RYR2: variants seen among roughly 807,000 people sequenced by gnomAD.
RYR2 encodes ryanodine receptor 2.
RYR2 carries 227 observed loss-of-function variants against 601.1 expected under a neutral mutation model. The ratio of observed to expected loss-of-function variants is 0.38; its 90% CI spans 0.34 to 0.42. The LOEUF is 0.42. RYR2 is among the 10% of genes least tolerant of loss of function. RYR2 has a pLI of 1.00. For synonymous variants in RYR2, 2,223 were observed against 2,175.1 expected (o/e 1.02, Z -0.61); for missense variants, 4,646 against 6,156.5 (o/e 0.75, Z 8.21).
intron 56 of RYR2, among the ~76,000 whole-genome samples, chr1:237,665,856 T>A (rs1684281903): frequency 6.6e-6 from 1 of 152,170 alleles, no homozygotes. Context: ...CAAGATATAG[T>A]TTTAGATTTA....
intron 1 of RYR2, among the ~76,000 whole-genome samples, chr1:237,158,299 G>A (rs1675620258): frequency 6.6e-6 from 1 of 152,136 alleles, no homozygotes; most frequent in South Asian, 2.1e-4. Flanking sequence ...GGTCTTATGA[G>A]CTAAAGGATT....
At chr1:237,567,472 C>G (rs1672211851) in intron 28 of RYR2, among the ~76,000 whole-genome samples, 1 of 150,706 alleles carries the variant, frequency 6.6e-6, no homozygotes, top group Admixed American at 6.6e-5. Flanking sequence ...CACTTGTGGT[C>G]CCAGCTACAT....
intron 35 of RYR2, among the ~76,000 whole-genome samples, chr1:237,609,014 C>A (rs1180343951): frequency 6.6e-6 from 1 of 151,032 alleles, no homozygotes; most frequent in Non-Finnish European, 1.5e-5. Flanking sequence ...TTCTCCCTCT[C>A]CCTCCCTCCT....
chr1:237,648,695 T>C, intron 49 of RYR2, 82 bp downstream of exon 49: 1 of 1,412,446 alleles, frequency 7.1e-7, no homozygotes, highest in Non-Finnish European at 9.5e-7. Flanking sequence ...TATCCATTCA[T>C]TAATTTATTG....
At chr1:237,789,432 A>G (rs1658071927) in intron 92 of RYR2, among the ~76,000 whole-genome samples, 1 of 146,506 alleles carries the variant, frequency 6.8e-6, no homozygotes, top group Non-Finnish European at 1.5e-5. Context: ...TTTAATACAG[A>G]GTTCACTGAA....
At chr1:237,645,906 T>C (rs1252631299) in intron 48 of RYR2, among the ~76,000 whole-genome samples, 5 of 149,636 alleles carry the variant, frequency 3.3e-5, no homozygotes, top group Non-Finnish European at 5.9e-5. Flanking sequence ...AGACGGAGTC[T>C]CACTCTGTCG....
intron 39 of RYR2, among the ~76,000 whole-genome samples, chr1:237,625,145 T>G (rs1679515472): frequency 6.6e-6 from 1 of 152,010 alleles, no homozygotes; most frequent in African/African-American, 2.4e-5. Flanking sequence ...ACAGGGATAC[T>G]TTAAAACTTT....
At chr1:237,241,051 G>A (rs1482050909) in intron 1 of RYR2, among the ~76,000 whole-genome samples, 1 of 152,166 alleles carries the variant, frequency 6.6e-6, no homozygotes, top group East Asian at 1.9e-4. Flanking sequence ...TTCAAGGATG[G>A]TAGCATTTTA....
intron 104 of RYR2, among the ~76,000 whole-genome samples, chr1:237,832,017 C>G (rs764173143): frequency 4.6e-5 from 7 of 151,988 alleles, no homozygotes; most frequent in Non-Finnish European, 1.0e-4. Flanking sequence ...TAAGAGAACC[C>G]TCAGAAGCAT....
chr1:237,312,481 C>T lies in RYR2; in HGVS notation c.169-18397C>T, dbSNP rs192821333. 6.6e-4 allele frequency among the ~76,000 whole-genome samples: 101 copies of T among 152,226 alleles called. 1 individual carries two copies. The highest frequency in any genetic ancestry group is 8.2e-4 in the Non-Finnish European group (56 of 68,008). On this transcript the variant is annotated intron_variant, in intron 2 of 104. Transcript: ENST00000366574. Reference sequence around the variant, plus strand: ...AGTAATAATCTGGAGCTTTTTATAGCGTACTCCCTTGGAGATATTTCCAGG... The same window carrying T: ...AGTAATAATCTGGAGCTTTTTATAGTGTACTCCCTTGGAGATATTTCCAGG...
At chr1:237,727,846 C>T (rs529853378) in intron 76 of RYR2, among the ~76,000 whole-genome samples, 1 of 152,244 alleles carries the variant, frequency 6.6e-6, no homozygotes, top group African/African-American at 2.4e-5. Flanking sequence ...CTGGTACATT[C>T]AAGTCTGGCT....
chr1:237,100,911 C>T (rs1668016530), intron 1 of RYR2, among the ~76,000 whole-genome samples: 1 of 152,058 alleles, frequency 6.6e-6, no homozygotes, highest in African/African-American at 2.4e-5. Context: ...GTCCCGGCCC[C>T]AGAGCCTGTC....
intron 51 of RYR2, among the ~76,000 whole-genome samples, chr1:237,653,956 G>A (rs1429511249): frequency 1.3e-5 from 2 of 152,126 alleles, no homozygotes; most frequent in African/African-American, 4.8e-5. Flanking sequence ...TGATTAGATG[G>A]TGCCCACCCA....
intron 25 of RYR2, among the ~76,000 whole-genome samples, chr1:237,541,758 T>C (rs1365526534): frequency 1.3e-5 from 2 of 152,120 alleles, no homozygotes; most frequent in East Asian, 3.9e-4. Context: ...ATTTGTTCTC[T>C]GGTGGGCAGG....
At chr1:237,816,396 C>CA (rs1661825297) in intron 100 of RYR2, among the ~76,000 whole-genome samples, 1 of 152,160 alleles carries the variant, frequency 6.6e-6, no homozygotes, top group Non-Finnish European at 1.5e-5. Context: ...TGGAGAAAAG[C>CA]AATCCAGGCT....
intron 100 of RYR2, among the ~76,000 whole-genome samples, chr1:237,813,574 C>G (rs1346497762): frequency 1.1e-4 from 17 of 152,204 alleles, no homozygotes; most frequent in Admixed American, 1.1e-3. Context: ...TTTTGAACCT[C>G]ACTCTCAGTA....
intron 1 of RYR2, among the ~76,000 whole-genome samples, chr1:237,188,471 C>T (rs905288991): frequency 6.6e-6 from 1 of 152,188 alleles, no homozygotes; most frequent in African/African-American, 2.4e-5. Context: ...TAATTCTGAT[C>T]TAACAATTTG....
chr1:237,804,268 C>A (rs1260229102), intron 98 of RYR2, among the ~76,000 whole-genome samples: 1 of 151,888 alleles, frequency 6.6e-6, no homozygotes, highest in Non-Finnish European at 1.5e-5. Context: ...GAACCCACCA[C>A]TCAAACCAAA....
chr1:237,503,548 A>C (rs1664886001), intron 22 of RYR2, 43 bp downstream of exon 22: 27 of 1,581,454 alleles, frequency 1.7e-5, no homozygotes, highest in Non-Finnish European at 2.3e-5. Flanking sequence ...TATTGCAGTC[A>C]TGCTGATACA....
Sources: allele counts gnomAD v4.1 joint callset (sites outside exome capture counted in the v4.1 genomes callset), GRCh38; gene constraint gnomAD v4.1.1; transcripts MANE v1.5; gene names NCBI Gene and HGNC (gene_info 2026-07-23, HGNC 2026-07-21).